The following SHROOM3 variants were observed in gnomAD, a reference collection of about 807,000 sequenced individuals.
The protein encoded by SHROOM3 is protein Shroom3.
A neutral mutation model predicts 138.6 loss-of-function variants in SHROOM3; 47 were observed. The ratio of observed to expected loss-of-function variants is 0.34; its 90% CI spans 0.27 to 0.43. The LOEUF (loss-of-function observed/expected upper bound fraction) is 0.43, where lower values mean the gene tolerates loss of function less well. Ranked by LOEUF, SHROOM3 falls within the 20% of genes least tolerant of loss-of-function variation. The pLI is 1.00. For missense variants in SHROOM3, 2,491 were observed against 2,596.5 expected (o/e 0.96, Z 0.88); for synonymous variants, 1,062 against 1,063.3 (o/e 1.00, Z 0.02).
chr4:76,667,966 C>CAAAAAAAAAAAAAAAAAAAAAAAA (rs747974205), intron 2 of SHROOM3, among the ~76,000 whole-genome samples: 2 of 62,554 alleles, frequency 3.2e-5, no homozygotes, highest in African/African-American at 6.5e-5. Context: ...GACTCCCTCT[C>CAAAAAAAAAAAAAAAAAAAAAAAA]AAAAAAAAAA....
At chr4:76,623,050 T>C (rs1735043621) in intron 2 of SHROOM3, among the ~76,000 whole-genome samples, 1 of 152,258 alleles carries the variant, frequency 6.6e-6, no homozygotes, top group Non-Finnish European at 1.5e-5. Context: ...CACTGTTTAC[T>C]GTTTTAGTAA....
chr4:76,551,470 C>T (rs1196470779), intron 1 of SHROOM3, among the ~76,000 whole-genome samples: 3 of 152,170 alleles, frequency 2.0e-5, no homozygotes, highest in African/African-American at 7.2e-5. Flanking sequence ...ATGAGCAAGA[C>T]CGTATCTACA....
intron 1 of SHROOM3, among the ~76,000 whole-genome samples, chr4:76,487,986 A>G (rs1731767376): frequency 6.6e-6 from 1 of 152,158 alleles, no homozygotes; most frequent in African/African-American, 2.4e-5. Flanking sequence ...AGAACTTTTA[A>G]TATGTGTGTC....
At chr4:76,535,621 A>G (rs1191511326) in intron 1 of SHROOM3, among the ~76,000 whole-genome samples, 1 of 152,224 alleles carries the variant, frequency 6.6e-6, no homozygotes, top group African/African-American at 2.4e-5. Context: ...ATTTTAAAAC[A>G]GCTATTTTAT....
intron 2 of SHROOM3, among the ~76,000 whole-genome samples, chr4:76,584,222 G>T (rs887867092): frequency 2.0e-5 from 3 of 152,146 alleles, no homozygotes. Flanking sequence ...GGAGGCTGAG[G>T]CAGGAGAATC....
intron 2 of SHROOM3, among the ~76,000 whole-genome samples, chr4:76,599,483 G>A (rs1281435849): frequency 1.3e-5 from 2 of 152,208 alleles, no homozygotes; most frequent in Non-Finnish European, 2.9e-5. Context: ...TTTCTTTCAA[G>A]ATGAAAATAA....
intron 1 of SHROOM3, among the ~76,000 whole-genome samples, chr4:76,520,542 G>A (rs1177545637): frequency 1.3e-5 from 2 of 152,172 alleles, no homozygotes; most frequent in African/African-American, 2.4e-5. Context: ...GGCGCAGAGA[G>A]ATTAGATAAT....
intron 1 of SHROOM3, among the ~76,000 whole-genome samples, chr4:76,482,128 C>G (rs1474673191): frequency 6.6e-6 from 1 of 152,122 alleles, no homozygotes; most frequent in East Asian, 1.9e-4. Flanking sequence ...CACTCCTATT[C>G]AACATAGTAT....
At chr4:76,623,063 T>C (rs1031215210) in intron 2 of SHROOM3, among the ~76,000 whole-genome samples, 2 of 152,216 alleles carry the variant, frequency 1.3e-5, no homozygotes, top group Non-Finnish European at 2.9e-5. Context: ...TTTAGTAATA[T>C]ATTTGTTTTA....
intron 2 of SHROOM3, among the ~76,000 whole-genome samples, chr4:76,571,385 G>C (rs769604159): frequency 1.1e-4 from 16 of 152,204 alleles, no homozygotes; most frequent in Middle Eastern, 3.2e-3. Context: ...AGAGGAGTTG[G>C]GCTTGGCCAA....
chr4:76,467,297 T>C (rs1409068818), intron 1 of SHROOM3, among the ~76,000 whole-genome samples: 1 of 152,082 alleles, frequency 6.6e-6, no homozygotes, highest in Non-Finnish European at 1.5e-5. Context: ...TCTGCCTGCC[T>C]CTGCTTCCTA....
chr4:76,506,847 T>C (rs1213692954), intron 1 of SHROOM3, among the ~76,000 whole-genome samples: 1 of 152,224 alleles, frequency 6.6e-6, no homozygotes, highest in Non-Finnish European at 1.5e-5. Context: ...CTTTCTATTA[T>C]GGAAGATGAA....
rs188836952 is a variant in SHROOM3, at chr4:76,762,990, A to G, written c.5349+3295A>G. Among the ~76,000 whole-genome samples the G allele has an allele frequency of 2.0e-5, 3 of 152,304 alleles. No individual in the cohort carries two copies. In the East Asian group the frequency reaches 5.8e-4, roughly 29 times the overall value. Reference sequence around the variant, plus strand: ...GACAAAAGGAAAAGCATAAGGAGAAACCAAAAGATAAGAAAAAGCATGGAA... The same window carrying G: ...GACAAAAGGAAAAGCATAAGGAGAAGCCAAAAGATAAGAAAAAGCATGGAA... On this transcript the variant is annotated intron_variant, in intron 9 of 10. Transcript: ENST00000296043.
In SHROOM3 at chr4:76,710,168, A is replaced by C; in HGVS notation, c.336A>C (p.Thr112=). 6.2e-7 allele frequency: 1 copy of C among 1,614,148 alleles called. No homozygotes were observed. Among genetic ancestry groups the C allele is most frequent in the East Asian group, 2.2e-5 (1 of 44,874 alleles). The change falls in exon 3 of 11, where the codon ACA becomes ACC. Residue 112 remains threonine, a synonymous_variant. Transcript: ENST00000296043. ...LRLVVRRDVC[T]DPGHADTGAS... ...CTATTGTTGACAGAGATGTGTGCACAGACCCAGGCCATGCAGATACTGGTG... is the reference window on the plus strand; with the variant it reads ...CTATTGTTGACAGAGATGTGTGCACCGACCCAGGCCATGCAGATACTGGTG...
chr4:76,720,151 G>GTTTTTTTTTTT (rs59839066), intron 3 of SHROOM3, among the ~76,000 whole-genome samples: 2 of 83,016 alleles, frequency 2.4e-5, no homozygotes, highest in African/African-American at 4.9e-5. Context: ...TGTTTTTTAG[G>GTTTTTTTTTTT]TTTTTTTTTT....
chr4:76,728,432 A>G (rs773313664), intron 3 of SHROOM3, among the ~76,000 whole-genome samples: 5 of 152,148 alleles, frequency 3.3e-5, no homozygotes, highest in Non-Finnish European at 7.4e-5. Flanking sequence ...TCCATGTAAG[A>G]TGTGACTTGC....
At chr4:76,596,395 G>C (rs1383440492) in intron 2 of SHROOM3, among the ~76,000 whole-genome samples, 1 of 152,148 alleles carries the variant, frequency 6.6e-6, no homozygotes, top group Non-Finnish European at 1.5e-5. Flanking sequence ...CTGGGCAACA[G>C]AGCAAGACCC....
chr4:76,638,846 T>G (rs1162596465), intron 2 of SHROOM3: 1 of 152,162 alleles, frequency 6.6e-6, no homozygotes, highest in East Asian at 1.9e-4. Flanking sequence ...AGTCTGACCC[T>G]AGGGAATGAG....
intron 1 of SHROOM3, among the ~76,000 whole-genome samples, chr4:76,527,647 T>C (rs145134315): frequency 6.6e-6 from 1 of 152,368 alleles, no homozygotes; most frequent in Non-Finnish European, 1.5e-5. Flanking sequence ...AATTAAGCAC[T>C]GCAAAATTTA....
Sources: allele counts gnomAD v4.1 joint callset (sites outside exome capture counted in the v4.1 genomes callset), GRCh38; gene constraint gnomAD v4.1.1; transcripts MANE v1.5; gene names NCBI Gene and HGNC (gene_info 2026-07-23, HGNC 2026-07-21).